The following UTRN variants were observed in gnomAD, a reference collection of about 807,000 sequenced individuals.
The protein encoded by UTRN is dystrophin-related protein 1.
In UTRN, 283 loss-of-function variants were observed where a neutral mutation model predicts 463.9. That is an observed-to-expected ratio of 0.61 (90% CI 0.55 to 0.67). The LOEUF is 0.67. UTRN is among the 30% of genes least tolerant of loss of function. The pLI, the probability that UTRN is intolerant of heterozygous loss-of-function variation, is 0.00. For missense variants in UTRN, 3,922 were observed against 4,084.3 expected, an observed-to-expected ratio of 0.96 and a Z score of 1.08; for synonymous variants, 1,442 against 1,431.5, an observed-to-expected ratio of 1.01 and a Z score of -0.17.
intron 41 of UTRN, among the ~76,000 whole-genome samples, chr6:144,526,987 G>A (rs1332210967): frequency 2.0e-5 from 3 of 151,794 alleles, no homozygotes; most frequent in African/African-American, 4.8e-5. Context: ...TTTAGTACAG[G>A]TGGGGTTTCA....
Position 144,440,589 on chromosome 6 carries a change from A to G in UTRN, c.1512+118A>G, listed in dbSNP as rs1010951432. 2.4e-5 allele frequency: 32 copies of G among 1,357,264 alleles called. No individual in the cohort carries two copies. The African/African-American group carries it at 4.2e-4, about 18-fold the overall frequency. 84.1% of individuals were successfully genotyped at this position (1,357,264 alleles called of 1,614,324 possible). On this transcript the variant is annotated intron_variant, in intron 13 of 74. Coordinates refer to ENST00000367545, the MANE Select transcript of UTRN (RefSeq NM_007124.3). ...TTTATCCAGAAGGGTAGAAAAACCT[A>G]CCTTTGATTGTACTTCTCAGTTGGG...
intron 43 of UTRN, among the ~76,000 whole-genome samples, chr6:144,535,962 T>G (rs75725900): frequency 4.6e-4 from 70 of 152,236 alleles, no homozygotes; most frequent in African/African-American, 1.5e-3. Flanking sequence ...AAATTGTTTG[T>G]AAAAATAAGG....
chr6:144,705,082 C>T (rs934500932), intron 53 of UTRN, among the ~76,000 whole-genome samples: 4 of 152,082 alleles, frequency 2.6e-5, no homozygotes, highest in African/African-American at 9.7e-5. Context: ...TAATGTGAGA[C>T]ACAAGATCTG....
chr6:144,306,492 G>A (rs1234470602), intron 2 of UTRN, among the ~76,000 whole-genome samples: 2 of 152,112 alleles, frequency 1.3e-5, no homozygotes, highest in Non-Finnish European at 2.9e-5. Context: ...TGGATGGGAT[G>A]GAGAGAGAAG....
At chr6:144,599,031 T>A (rs143098655) in intron 51 of UTRN, among the ~76,000 whole-genome samples, 1 of 152,362 alleles carries the variant, frequency 6.6e-6, no homozygotes, top group African/African-American at 2.4e-5. Context: ...GATTAATTGC[T>A]CTTGATTAAC....
At chr6:144,441,383 C>T (rs1787143973) in intron 13 of UTRN, among the ~76,000 whole-genome samples, 1 of 152,324 alleles carries the variant, frequency 6.6e-6, no homozygotes, top group Middle Eastern at 3.4e-3. Flanking sequence ...CTACAGTCCC[C>T]ATTCAAGTAT....
intron 69 of UTRN, among the ~76,000 whole-genome samples, chr6:144,831,184 C>T (rs1228625980): frequency 1.3e-5 from 2 of 152,184 alleles, no homozygotes; most frequent in African/African-American, 2.4e-5. Context: ...AAGATGTCCA[C>T]ATCCTAATCC....
chr6:144,383,146 G>A (rs1050221594), intron 2 of UTRN, among the ~76,000 whole-genome samples: 8 of 151,708 alleles, frequency 5.3e-5, no homozygotes, highest in Admixed American at 5.3e-4. Flanking sequence ...TGCCCAGGCT[G>A]GTCTCGAACT....
chr6:144,516,672 A>T, intron 38 of UTRN, 139 bp from the exon 39 acceptor site: 1 of 701,410 alleles, frequency 1.4e-6, no homozygotes, highest in Non-Finnish European at 2.1e-6. Context: ...AAAAAAACAT[A>T]AATTTTTTGA....
intron 33 of UTRN, among the ~76,000 whole-genome samples, chr6:144,494,673 G>A (rs936432751): frequency 3.3e-5 from 5 of 152,002 alleles, no homozygotes; most frequent in Admixed American, 3.3e-4. Flanking sequence ...AGACACAAAG[G>A]TTCTCCATGT....
At chr6:144,579,236 G>T (rs1430946371) in intron 51 of UTRN, among the ~76,000 whole-genome samples, 1 of 152,138 alleles carries the variant, frequency 6.6e-6, no homozygotes, top group Non-Finnish European at 1.5e-5. Flanking sequence ...CACTATAAAT[G>T]TTAATTGATA....
chr6:144,359,098 T>G (rs1486070508), intron 2 of UTRN, among the ~76,000 whole-genome samples: 1 of 152,234 alleles, frequency 6.6e-6, no homozygotes, highest in Non-Finnish European at 1.5e-5. Context: ...TTATCTTTAT[T>G]GATCTGTAAA....
Position 144,827,676 on chromosome 6 carries a change from G to T in UTRN, c.9599G>T (p.Arg3200Leu), listed in dbSNP as rs962310762. The T allele has an allele frequency of 1.2e-6, 2 of 1,613,242 alleles. No individual in the cohort carries two copies. Among genetic ancestry groups the T allele is most frequent in the East Asian group, 2.2e-5 (1 of 44,816 alleles). Reference protein sequence around the residue: ...THSRIEQYATRLAQMERTNGS... With the variant: ...THSRIEQYATLLAQMERTNGS... The stretch of plus-strand genomic sequence containing the variant: ...TCAAGAATAGAACAATATGCCACAC[G>T]GTAAGAAACTTTGATCAGAGCCCTC... Residue 3200 changes from arginine to leucine, a missense_variant and splice_region_variant, in exon 68 of 75, where the codon CGA becomes CTA. Coordinates refer to ENST00000367545, the MANE Select transcript of UTRN (RefSeq NM_007124.3).
intron 51 of UTRN, among the ~76,000 whole-genome samples, chr6:144,645,858 G>A (rs1033878948): frequency 2.0e-5 from 3 of 152,086 alleles, no homozygotes; most frequent in African/African-American, 7.2e-5. Flanking sequence ...TGGGAGTGGG[G>A]GAGAAAGCAA....
At chr6:144,590,843 TACACACACACACAC>T (rs10531216) in intron 51 of UTRN, among the ~76,000 whole-genome samples, 70 of 146,014 alleles carry the variant, frequency 4.8e-4, no homozygotes, top group African/African-American at 1.8e-3. Context: ...TCTCTCAATC[TACACACACACACAC>T]ACACACACAC....
rs1398469746 is a variant in UTRN at position 144,462,660 on chromosome 6, G to A, written c.2860G>A (p.Asp954Asn). Residue 954 changes from aspartate (D) to asparagine (N), a missense_variant, in exon 23 of 75, where the codon GAT (aspartate) becomes AAT (asparagine). Around this residue, in one of 3 missense-constraint regions of UTRN, gnomAD observed 2,349 missense variants for 2,303.8 expected, o/e 1.02. Transcript: ENST00000367545. ...EKALQEKKTL[D>N]EILENQKPAL... ...CTTTTAAAACTTTTTCCAGACCCTT[G>A]ATGAAATCCTTGAGAATCAGAAACC... 8.1e-6 allele frequency: 13 copies of A among 1,601,298 alleles called. No individual in the cohort carries two copies. The highest frequency in any genetic ancestry group is 1.0e-5 in the Non-Finnish European group (12 of 1,176,968).
chr6:144,813,997 C>T (rs1374127821), intron 65 of UTRN, among the ~76,000 whole-genome samples: 2 of 152,120 alleles, frequency 1.3e-5, no homozygotes, highest in East Asian at 3.9e-4. Context: ...AAGGAGAAGG[C>T]CTAGTCCAAA....
At chr6:144,404,983 GT>G (rs1244005669) in intron 3 of UTRN, among the ~76,000 whole-genome samples, 1 of 152,140 alleles carries the variant, frequency 6.6e-6, no homozygotes, top group Admixed American at 6.5e-5. Flanking sequence ...CATGTAAATT[GT>G]TTGCCCTGGA....
chr6:144,744,330 G>T (rs1447448851), intron 54 of UTRN, among the ~76,000 whole-genome samples: 1 of 105,338 alleles, frequency 9.5e-6, no homozygotes, highest in Non-Finnish European at 1.9e-5. Context: ...ATGTGTGTGT[G>T]TGTGTGTGTG....
Sources: allele counts gnomAD v4.1 joint callset (sites outside exome capture counted in the v4.1 genomes callset), GRCh38; gene constraint gnomAD v4.1.1; regional missense constraint gnomAD v4.1.1; transcripts MANE v1.5; gene names NCBI Gene and HGNC (gene_info 2026-07-23, HGNC 2026-07-21).